Variants in UCP1 observed in about 807,000 individuals in gnomAD.
UCP1 encodes the protein uncoupling protein 1.
A neutral mutation model predicts 26.2 loss-of-function variants in UCP1; 24 were observed. The observed-to-expected ratio is 0.92, with a 90% confidence interval of 0.66 to 1.29. The LOEUF is 1.29. UCP1 is among the 50% of genes most tolerant of loss of function. The pLI, the probability that UCP1 is intolerant of heterozygous loss-of-function variation, is 0.00. For missense variants in UCP1, 402 were observed against 388.7 expected (o/e 1.03, Z -0.29); for synonymous variants, 164 against 156.8 (o/e 1.05, Z -0.34).
intron 5 of UCP1, among the ~76,000 whole-genome samples, chr4:140,561,459 C>T (rs1168408777): frequency 6.6e-6 from 1 of 152,054 alleles, no homozygotes; most frequent in Non-Finnish European, 1.5e-5. Flanking sequence ...CTCAGGAGAT[C>T]CTCTTGCCTC....
At chr4:140,568,326 G>C (rs183997397) in intron 1 of UCP1, among the ~76,000 whole-genome samples, 4 of 152,236 alleles carry the variant, frequency 2.6e-5, no homozygotes, top group African/African-American at 7.2e-5. Flanking sequence ...AATATTCTCA[G>C]CTCTTAAAAT....
Position 140,568,860 on chromosome 4 carries a change from G to A in UCP1, c.-131C>T, listed in dbSNP as rs1006539776. The A allele has an allele frequency of 1.9e-5, 27 of 1,427,782 alleles. No homozygotes were observed. The highest frequency in any genetic ancestry group is 2.3e-4 in the Middle Eastern group (1 of 4,400). The allele number at this position is 1,427,782 out of a possible 1,614,324, so 88.4% of individuals were successfully genotyped here. A position where few individuals can be genotyped will look rare whatever the true frequency, so the allele number is the denominator to read the frequency against. On this transcript the variant is annotated 5_prime_UTR_variant, in exon 1 of 6. Transcript: ENST00000262999. ...ATTTCTGTTTTTTGAACCGACCGCC[G>A]GGCAGCGGCGGTGCAGAGGCGGCGG...
In UCP1 at chr4:140,563,336, A is replaced by G; in HGVS notation, c.508T>C (p.Leu170=). The G allele has an allele frequency of 6.2e-7, 1 of 1,614,206 alleles. No homozygotes were observed. The highest frequency in any genetic ancestry group is 8.5e-7 in the Non-Finnish European group (1 of 1,180,032). Residue 170 remains leucine, a synonymous_variant, in exon 3 of 6, where the codon TTG becomes CTG. Coordinates refer to ENST00000262999, the MANE Select transcript of UCP1 (RefSeq NM_021833.5). ...TAGTTACCTTTCCAAAGACCCGTCA[A>G]GCCTTCGGTTGTTGCTATTATTCTG... is the stretch of plus-strand genomic sequence containing the variant. ...AYRIIATTEG[L]TGLWKGTTPN...
intron 2 of UCP1, 76 bp from the exon 3 acceptor site, chr4:140,563,594 G>C: frequency 7.4e-7 from 1 of 1,351,568 alleles, no homozygotes; most frequent in Non-Finnish European, 1.0e-6. Flanking sequence ...TTAATTTTCA[G>C]TGGTTCATAT....
In UCP1 at chr4:140,562,273, A is replaced by T; in HGVS notation, c.729T>A (p.Ser243=). 1.9e-6 allele frequency: 3 copies of T among 1,614,194 alleles called. No homozygotes were observed. The highest frequency in any genetic ancestry group is 2.5e-6 in the Non-Finnish European group (3 of 1,180,026). The change falls in exon 5 of 6, where the codon TCT becomes TCA. Residue 243 remains serine (S), a synonymous_variant. Coordinates refer to ENST00000262999, the MANE Select transcript of UCP1 (RefSeq NM_021833.5). ...VDVVKTRFIN[S]PPGQYKSVPN... The stretch of plus-strand genomic sequence containing the variant: ...GCACACTTTTGTACTGTCCTGGTGG[A>T]GAATTAATAAATCTGGTTTTTACTA...
intron 5 of UCP1, among the ~76,000 whole-genome samples, chr4:140,561,283 A>G (rs1316602827): frequency 6.6e-6 from 1 of 152,230 alleles, no homozygotes. Flanking sequence ...ATATAATTTT[A>G]TTATTAAACC....
At chr4:140,560,063 T>TA in intron 5 of UCP1, 53 bp from the exon 6 acceptor site, 2 of 1,466,208 alleles carry the variant, frequency 1.4e-6, no homozygotes, top group Non-Finnish European at 1.9e-6. Context: ...TTTTTTTTTT[T>TA]AATTTTTGAG....
chr4:140,568,782 G>A lies in UCP1; in HGVS notation c.-53C>T, dbSNP rs1198442350. 4.5e-6 allele frequency: 7 copies of A among 1,544,786 alleles called. No individual in the cohort carries two copies. The highest frequency in any genetic ancestry group is 5.2e-6 in the Non-Finnish European group (6 of 1,150,190). On this transcript the variant is annotated 5_prime_UTR_variant, in exon 1 of 6. Transcript: ENST00000262999. ...GAAAAGGGCTCCAGCCCCGAAGGTG[G>A]AGGAAGTTCCTTTCCCTTGCTCTTC...
In UCP1 at chr4:140,567,863, C is replaced by T. The variant is rs769209414; in HGVS notation, c.241G>A (p.Gly81Arg). 2.5e-6 allele frequency: 4 copies of T among 1,614,146 alleles called. No individual in the cohort carries two copies. Among genetic ancestry groups the T allele is most frequent in the Admixed American group, 1.7e-5 (1 of 60,022 alleles). Residue 81 changes from glycine to arginine, a missense_variant, in exon 2 of 6, where the codon GGG (glycine) becomes AGG (arginine). Physicochemically the swap from Gly to Arg is moderately radical, Grantham distance 125. Transcript: ENST00000262999. ...RMKLYSGLPA[G>R]LQRQISSASL... ...GCGGAGCTGATTTGCCGCTGAAGCC[C>T]CGCAGGCAGCCCGCTGTAGAGTTTC...
chr4:140,566,096 T>C (rs2110914663), intron 2 of UCP1, among the ~76,000 whole-genome samples: 1 of 152,348 alleles, frequency 6.6e-6, no homozygotes, highest in East Asian at 1.9e-4. Context: ...GGCTATGCCA[T>C]CTAGGTTTGT....
intron 4 of UCP1, among the ~76,000 whole-genome samples, 183 bp from the exon 5 acceptor site, chr4:140,562,556 G>C (rs960405087): frequency 6.6e-6 from 1 of 152,190 alleles, no homozygotes; most frequent in African/African-American, 2.4e-5. Flanking sequence ...TGGCTTAATA[G>C]ATTGTTAACA....
At position 140,568,784 on chromosome 4, in the gene UCP1, G is replaced by T; in HGVS notation, c.-55C>A. On this transcript the variant is annotated 5_prime_UTR_variant, in exon 1 of 6. Coordinates refer to ENST00000262999, the MANE Select transcript of UCP1 (RefSeq NM_021833.5). Reference sequence around the variant, plus strand: ...AAAGGGCTCCAGCCCCGAAGGTGGAGGAAGTTCCTTTCCCTTGCTCTTCAC... The same window carrying T: ...AAAGGGCTCCAGCCCCGAAGGTGGATGAAGTTCCTTTCCCTTGCTCTTCAC... 6.5e-7 allele frequency: 1 copy of T among 1,543,928 alleles called. No individual in the cohort carries two copies. Among genetic ancestry groups the T allele is most frequent in the Non-Finnish European group, 8.7e-7 (1 of 1,149,790 alleles).
At chr4:140,568,474 C>T in intron 1 of UCP1, 130 bp downstream of exon 1, 2 of 1,479,406 alleles carry the variant, frequency 1.4e-6, no homozygotes. Context: ...GGGACAAGGC[C>T]AGACTGCTTT....
intron 1 of UCP1, 131 bp from the exon 2 acceptor site, chr4:140,568,108 CGTGTGTGTGTGTGTGTGTGTGTGTGTGT>C (rs3138733): frequency 1.3e-4 from 82 of 638,952 alleles, no homozygotes; most frequent in Middle Eastern, 7.6e-4. Context: ...CTCCCTCTAC[CGTGTGTGTGTGTGTGTGTGTGTGTGTGT>C]GTGTGTGTGT....
In UCP1 at chr4:140,563,486, C is replaced by T. The variant is rs1735734163; in HGVS notation, c.358G>A (p.Gly120Ser). ...APSLGSKILA[G>S]LTTGGVAVFI... is the part of the protein sequence containing the mutation. Reference sequence around the variant, plus strand: ...ACTGCCACTCCTCCAGTCGTTAGACCAGCTAAAATCTTGCTTCCTAAACTA... The same window carrying T: ...ACTGCCACTCCTCCAGTCGTTAGACTAGCTAAAATCTTGCTTCCTAAACTA... Residue 120 changes from glycine to serine, a missense_variant, in exon 3 of 6, where the codon GGT becomes AGT. Physicochemically the swap from Gly to Ser is moderately conservative, Grantham distance 56. Transcript: ENST00000262999. The T allele has an allele frequency of 6.2e-7, 1 of 1,613,932 alleles. No homozygotes were observed. Among genetic ancestry groups the T allele is most frequent in the Non-Finnish European group, 8.5e-7 (1 of 1,180,006 alleles).
In UCP1 at chr4:140,563,298, C is replaced by A. The variant is rs1421245912; in HGVS notation, c.526+20G>T. The stretch of plus-strand genomic sequence containing the variant: ...TGTATGTGCTTTGGTGGTTATAAAA[C>A]CCATTTTGAAGTTAGTTACCTTTCC... On this transcript the variant is annotated intron_variant, in intron 3 of 5. Coordinates refer to ENST00000262999, the MANE Select transcript of UCP1 (RefSeq NM_021833.5). The A allele has an allele frequency of 1.9e-6, 3 of 1,613,816 alleles. No homozygotes were observed. The highest frequency in any genetic ancestry group is 2.2e-5 in the South Asian group (2 of 91,064).
intron 5 of UCP1, among the ~76,000 whole-genome samples, 181 bp downstream of exon 5, chr4:140,562,012 C>T (rs948949230): frequency 2.6e-5 from 4 of 152,152 alleles, no homozygotes; most frequent in Non-Finnish European, 5.9e-5. Flanking sequence ...AATATCATGG[C>T]TTTTTACTTT....
At chr4:140,568,109 GTGTGT>G (rs1735845384) in intron 1 of UCP1, 132 bp from the exon 2 acceptor site, 1 of 4,946 alleles carries the variant, frequency 2.0e-4, no homozygotes, top group Non-Finnish European at 4.0e-4. Flanking sequence ...TCCCTCTACC[GTGTGT>G]GTGTGTGTGT....
Position 140,562,371 on chromosome 4 carries a change from C to T in UCP1, c.631G>A (p.Asp211Asn), listed in dbSNP as rs768827889. 6.2e-7 allele frequency: 1 copy of T among 1,613,874 alleles called. No individual in the cohort carries two copies. The highest frequency in any genetic ancestry group is 8.5e-7 in the Non-Finnish European group (1 of 1,179,944). ...GCCGACACCAAGTGGCAGGGGACGT[C>T]ATCTAAAATGGATCGATGAAACAGG... is the stretch of plus-strand genomic sequence containing the variant. Reference protein sequence around the residue: ...AFVKNNILADDVPCHLVSALI... With the variant: ...AFVKNNILADNVPCHLVSALI... Residue 211 changes from aspartate to asparagine, a missense_variant and splice_region_variant, in exon 5 of 6, where the codon GAC (aspartate) becomes AAC (asparagine). Physicochemically the swap from Asp to Asn is conservative, Grantham distance 23. Transcript: ENST00000262999.
Sources: gnomAD v4.1 joint callset for allele counts (sites outside exome capture counted in the v4.1 genomes callset) on GRCh38, gnomAD v4.1.1 for gene constraint, MANE v1.5 for transcripts, NCBI Gene and HGNC (gene_info 2026-07-23, HGNC 2026-07-21) for gene names.